Variants in COG6 observed in about 807,000 individuals in gnomAD.
COG6 encodes the protein conserved oligomeric Golgi complex subunit 6.
COG6 carries 74 observed loss-of-function variants against 88.8 expected under a neutral mutation model. The observed-to-expected ratio is 0.83, with a 90% CI of 0.69 to 1.01. COG6 has a LOEUF of 1.01. COG6 is among the 50% of genes least tolerant of loss of function. The pLI is 0.00. For synonymous variants in COG6, 286 were observed against 278.7 expected (o/e 1.03, Z -0.26); for missense variants, 800 against 797.9 (o/e 1.00, Z -0.03).
In COG6 at chr13:39,762,062, C is replaced by T. The variant is rs574681643; in HGVS notation, c.1827-26273C>T. Among the ~76,000 whole-genome samples, 20 of 151,892 alleles carry T rather than the reference C, an allele frequency of 1.3e-4. 1 individual carries two copies. The highest frequency in any genetic ancestry group is 8.5e-4 in the Admixed American group (13 of 15,264). On this transcript the variant is annotated intron_variant, in intron 18 of 18. Coordinates refer to the COG6 transcript ENST00000416691. ...ATGTTGAAGAGACATTTTATTTTTA[C>T]TCCAATGTTTATTGCAGCACTATTC...
intron 4 of COG6, among the ~76,000 whole-genome samples, chr13:39,668,657 G>A (rs1281211579): frequency 1.3e-5 from 2 of 151,734 alleles, no homozygotes; most frequent in East Asian, 1.9e-4. Context: ...GCGTGGTGGC[G>A]GGCACCTGTA....
intron 4 of COG6, among the ~76,000 whole-genome samples, chr13:39,668,628 A>G (rs1042427506): frequency 2.0e-5 from 3 of 152,014 alleles, no homozygotes; most frequent in Non-Finnish European, 4.4e-5. Context: ...CTCTATTAAA[A>G]ATACAAAAAA....
intron 13 of COG6, among the ~76,000 whole-genome samples, chr13:39,718,206 A>G: frequency 6.6e-6 from 1 of 151,938 alleles, no homozygotes; most frequent in Non-Finnish European, 1.5e-5. Flanking sequence ...TGTTTTTATG[A>G]AGGAGAGAGT....
At chr13:39,657,199 T>C (rs1874571963) in intron 1 of COG6, among the ~76,000 whole-genome samples, 1 of 152,122 alleles carries the variant, frequency 6.6e-6, no homozygotes, top group Admixed American at 6.5e-5. Context: ...GCCTGGCTAA[T>C]TTTGTATTTT....
intron 17 of COG6, 73 bp from the exon 18 acceptor site, chr13:39,727,391 TAAAAG>T (rs906625968): frequency 1.0e-5 from 11 of 1,054,166 alleles, no homozygotes; most frequent in African/African-American, 4.7e-5. Flanking sequence ...ATTTAATTCT[TAAAAG>T]AGATGTTTAT....
intron 17 of COG6, 105 bp downstream of exon 17, chr13:39,724,666 G>T (rs984119856): frequency 3.1e-5 from 28 of 890,688 alleles, no homozygotes; most frequent in Non-Finnish European, 4.7e-5. Context: ...TTTATCTCTT[G>T]ACATGCTGTA....
chr13:39,736,323 T>C (rs1363318950), intron 18 of COG6, among the ~76,000 whole-genome samples: 1 of 152,188 alleles, frequency 6.6e-6, no homozygotes, highest in Non-Finnish European at 1.5e-5. Flanking sequence ...GCATGTCACT[T>C]GTATTTTTCA....
intron 18 of COG6, among the ~76,000 whole-genome samples, chr13:39,729,465 A>G (rs1008070376): frequency 2.0e-5 from 3 of 152,254 alleles, no homozygotes; most frequent in East Asian, 1.9e-4. Flanking sequence ...AATATAAACA[A>G]TAATATGGAA....
intron 5 of COG6, chr13:39,678,174 C>G (rs1299885645): frequency 5.2e-6 from 2 of 382,894 alleles, no homozygotes; most frequent in South Asian, 4.0e-5. Context: ...TCAAGTGATC[C>G]TCTCATCTCA....
chr13:39,784,777 C>A (rs1881724447), intron 18 of COG6, among the ~76,000 whole-genome samples: 3 of 152,118 alleles, frequency 2.0e-5, no homozygotes, highest in Non-Finnish European at 4.4e-5. Context: ...AAGAGAGGAA[C>A]CTCTGGGCTC....
intron 18 of COG6, among the ~76,000 whole-genome samples, chr13:39,768,846 C>T (rs1361556349): frequency 6.6e-6 from 1 of 152,032 alleles, no homozygotes; most frequent in African/African-American, 2.4e-5. Context: ...CATATGTATC[C>T]CACCCCCCGC....
chr13:39,740,272 G>A lies in COG6; in HGVS notation c.1827-10674G>A, dbSNP rs534417078. ...ATACTTCTGAACATCTCCATAATTAGCACTCTGGCCCAAGGTGGCATCATC... is the reference window on the plus strand; with the variant it reads ...ATACTTCTGAACATCTCCATAATTAACACTCTGGCCCAAGGTGGCATCATC... On this transcript the variant is annotated intron_variant, in intron 18 of 18. Transcript: ENST00000455146. Among the ~76,000 whole-genome samples, 3 of 152,148 alleles carry A rather than the reference G, an allele frequency of 2.0e-5. No individual in the cohort carries two copies. The East Asian group carries it at 5.8e-4, about 29-fold the overall frequency.
intron 13 of COG6, among the ~76,000 whole-genome samples, chr13:39,700,123 A>G (rs778667345): frequency 6.6e-6 from 1 of 151,890 alleles, no homozygotes; most frequent in Non-Finnish European, 1.5e-5. Context: ...TGTAAGATCT[A>G]ATATCTTAAA....
At chr13:39,736,077 G>A (rs931050226) in intron 18 of COG6, among the ~76,000 whole-genome samples, 5 of 151,734 alleles carry the variant, frequency 3.3e-5, no homozygotes, top group Non-Finnish European at 7.4e-5. Flanking sequence ...CTGTTATCCC[G>A]TCAAATAAAC....
At chr13:39,787,889 C>T (rs1475799622) in intron 18 of COG6, among the ~76,000 whole-genome samples, 2 of 152,152 alleles carry the variant, frequency 1.3e-5, no homozygotes, top group African/African-American at 4.8e-5. Flanking sequence ...GTGACTTGGG[C>T]ATCTGTGGAT....
intron 13 of COG6, among the ~76,000 whole-genome samples, chr13:39,714,803 A>G (rs1878435344): frequency 6.6e-6 from 1 of 152,216 alleles, no homozygotes; most frequent in Non-Finnish European, 1.5e-5. Flanking sequence ...TATATCAAAA[A>G]GACACTTGCA....
intron 3 of COG6, among the ~76,000 whole-genome samples, chr13:39,664,319 T>A (rs952619003): frequency 4.6e-5 from 7 of 152,222 alleles, no homozygotes; most frequent in African/African-American, 7.2e-5. Flanking sequence ...TCTGGCTCAT[T>A]TAATATTTCT....
At chr13:39,737,191 A>T (rs1879801923) in intron 18 of COG6, among the ~76,000 whole-genome samples, 1 of 152,032 alleles carries the variant, frequency 6.6e-6, no homozygotes, top group Non-Finnish European at 1.5e-5. Context: ...CTCTGTACTG[A>T]GCTGCCTCGG....
intron 18 of COG6, among the ~76,000 whole-genome samples, chr13:39,772,864 A>C (rs1376915288): frequency 6.6e-6 from 1 of 152,156 alleles, no homozygotes; most frequent in Non-Finnish European, 1.5e-5. Flanking sequence ...TCTAGTTGCA[A>C]AGCAGTTGCT....
Sources: gnomAD v4.1 joint callset for allele counts (sites outside exome capture counted in the v4.1 genomes callset) on GRCh38, gnomAD v4.1.1 for gene constraint, MANE v1.5 for transcripts, NCBI Gene and HGNC (gene_info 2026-07-23, HGNC 2026-07-21) for gene names.